Variants in MAP7 observed in about 807,000 individuals in gnomAD.
MAP7 encodes ensconsin.
A neutral mutation model predicts 94.8 loss-of-function variants in MAP7; 52 were observed. The observed-to-expected ratio is 0.55, with a 90% confidence interval of 0.44 to 0.69. The LOEUF is 0.69. MAP7 is among the 30% of genes least tolerant of loss of function. MAP7 has a pLI of 0.00. For missense variants in MAP7, 940 were observed against 964.6 expected (o/e 0.97, Z 0.34); for synonymous variants, 350 against 357.0 (o/e 0.98, Z 0.22).
At chr6:136,394,200 G>T (rs1480141191) in intron 3 of MAP7, among the ~76,000 whole-genome samples, 1 of 151,942 alleles carries the variant, frequency 6.6e-6, no homozygotes, top group East Asian at 1.9e-4. Context: ...AGCCAAGATG[G>T]TCTCGATCTC....
intron 1 of MAP7, among the ~76,000 whole-genome samples, chr6:136,465,175 G>C (rs1309104306): frequency 4.6e-5 from 7 of 152,180 alleles, no homozygotes; most frequent in African/African-American, 1.7e-4. Flanking sequence ...TGCAGCTTCT[G>C]TGTTATCTAC....
intron 1 of MAP7, among the ~76,000 whole-genome samples, chr6:136,465,531 T>C (rs1276830582): frequency 6.6e-6 from 1 of 152,180 alleles, no homozygotes; most frequent in African/African-American, 2.4e-5. Context: ...AAATGGAAAG[T>C]CAGTTAGCCG....
chr6:136,549,466 T>C (rs1224148968), intron 1 of MAP7, among the ~76,000 whole-genome samples: 1 of 152,064 alleles, frequency 6.6e-6, no homozygotes, highest in Non-Finnish European at 1.5e-5. Context: ...ATCGGCTTCA[T>C]ACTATGGAGA....
At chr6:136,344,273 A>T in intron 17 of MAP7, 35 bp from the exon 18 acceptor site, 1 of 1,122,442 alleles carries the variant, frequency 8.9e-7, no homozygotes, top group Non-Finnish European at 1.2e-6. Context: ...CAAGATTAAT[A>T]TGACATTTAT....
chr6:136,460,318 T>G (rs1354348822), intron 1 of MAP7, among the ~76,000 whole-genome samples: 1 of 152,182 alleles, frequency 6.6e-6, no homozygotes, highest in Non-Finnish European at 1.5e-5. Context: ...AGGGAATACA[T>G]GAAAATTGCT....
chr6:136,509,928 G>A (rs546271546), intron 1 of MAP7, among the ~76,000 whole-genome samples: 9 of 152,184 alleles, frequency 5.9e-5, no homozygotes, highest in Admixed American at 5.2e-4. Context: ...TATGCTGGGC[G>A]TGGTGGCTCA....
intron 3 of MAP7, among the ~76,000 whole-genome samples, chr6:136,393,694 G>A (rs1781440729): frequency 6.6e-6 from 1 of 151,808 alleles, no homozygotes; most frequent in South Asian, 2.1e-4. Context: ...GGAGTGCAGT[G>A]GTGTCATCAC....
intron 1 of MAP7, among the ~76,000 whole-genome samples, chr6:136,519,628 A>C (rs1043886162): frequency 1.3e-5 from 2 of 152,190 alleles, no homozygotes; most frequent in African/African-American, 4.8e-5. Flanking sequence ...AGGAAATTCT[A>C]CCTTTACAGT....
chr6:136,480,641 CA>C (rs769951186), intron 1 of MAP7, among the ~76,000 whole-genome samples: 318 of 20,140 alleles, frequency 0.016, no homozygotes, highest in African/African-American at 0.041. Context: ...GACTCTGCCT[CA>C]AAAAAAAAAA....
intron 1 of MAP7, among the ~76,000 whole-genome samples, chr6:136,528,416 T>G (rs1468103082): frequency 6.6e-6 from 1 of 152,250 alleles, no homozygotes; most frequent in African/African-American, 2.4e-5. Flanking sequence ...TAAACACAGG[T>G]GTAATATACA....
chr6:136,525,975 C>A, intron 1 of MAP7: 1 of 1,459,494 alleles, frequency 6.9e-7, no homozygotes, highest in Non-Finnish European at 8.9e-7. Flanking sequence ...ACCGCTGCTA[C>A]TTGTTTTTTT....
intron 1 of MAP7, among the ~76,000 whole-genome samples, chr6:136,510,220 C>A (rs1288632881): frequency 6.6e-6 from 1 of 152,072 alleles, no homozygotes. Context: ...GGGTGAGCAT[C>A]TCTGTGATGT....
chr6:136,434,806 T>C (rs1357925670), intron 1 of MAP7, among the ~76,000 whole-genome samples: 3 of 152,134 alleles, frequency 2.0e-5, no homozygotes, highest in Admixed American at 2.0e-4. Context: ...AGGCACAAAG[T>C]GTGCTATGTG....
chr6:136,508,239 C>T (rs1040285211), intron 1 of MAP7, among the ~76,000 whole-genome samples: 6 of 151,874 alleles, frequency 4.0e-5, no homozygotes, highest in South Asian at 2.1e-4. Flanking sequence ...GTGGGAGGAT[C>T]GCTTGAGCCT....
chr6:136,482,651 A>C (rs1166274251), intron 1 of MAP7, among the ~76,000 whole-genome samples: 2 of 152,080 alleles, frequency 1.3e-5, no homozygotes, highest in African/African-American at 4.8e-5. Context: ...CACTATTCAT[A>C]ATAGCAAAGA....
At position 136,346,089 on chromosome 6, in the gene MAP7, T is replaced by C. The variant is rs1221663888; in HGVS notation, c.2016-10A>G. ...TTCCAAATCGGGAGTGCTAAGGAAT[T>C]TGAAAAATAAAAATAGAAATAAGTT... On this transcript the variant is annotated splice_polypyrimidine_tract_variant and intron_variant, in intron 16 of 17. Coordinates refer to ENST00000354570, the MANE Select transcript of MAP7 (RefSeq NM_003980.6). 3 of 1,552,672 alleles carry C rather than the reference T, an allele frequency of 1.9e-6. No homozygotes were observed. In the Admixed American group the frequency reaches 5.3e-5, roughly 27 times the overall value.
chr6:136,364,136 C>A (rs1253813284), intron 10 of MAP7: 1 of 419,778 alleles, frequency 2.4e-6, no homozygotes, highest in Non-Finnish European at 4.6e-6. Context: ...ACCATGGCCT[C>A]TGTTTCTGAG....
chr6:136,407,155 T>G lies in MAP7; in HGVS notation c.244+4465A>C, dbSNP rs1443214061. On this transcript the variant is annotated intron_variant, in intron 3 of 17. Transcript: ENST00000354570. ...ATTATTGCTATTATTTCACTGAAGA[T>G]TGTAGAGTAAGCAAAATCAGCAAAT... Among the ~76,000 whole-genome samples, 11 of 152,248 alleles carry G rather than the reference T, an allele frequency of 7.2e-5. 1 individual carries two copies. The East Asian group carries it at 1.2e-3, about 16-fold the overall frequency.
At chr6:136,541,102 C>A (rs1410179359) in intron 1 of MAP7, among the ~76,000 whole-genome samples, 1 of 152,160 alleles carries the variant, frequency 6.6e-6, no homozygotes, top group Non-Finnish European at 1.5e-5. Context: ...GCAACCAGGT[C>A]CTGTCTGGTG....
Sources: gnomAD v4.1 joint callset for allele counts (sites outside exome capture counted in the v4.1 genomes callset) on GRCh38, gnomAD v4.1.1 for gene constraint, MANE v1.5 for transcripts, NCBI Gene and HGNC (gene_info 2026-07-23, HGNC 2026-07-21) for gene names.